CIZ1: variants seen among roughly 807,000 people sequenced by gnomAD.
CIZ1 encodes CDKN1A interacting zinc finger protein 1, also known as cip1-interacting zinc finger protein.
In CIZ1, 58 loss-of-function variants were observed where a neutral mutation model predicts 118.6. That is an observed-to-expected ratio of 0.49 (90% CI 0.40 to 0.61). CIZ1 has a LOEUF of 0.61. Among genes scored for constraint, CIZ1 ranks in the 20% least tolerant of loss-of-function variants. The pLI is 0.00. For synonymous variants in CIZ1, 448 were observed against 443.4 expected, an observed-to-expected ratio of 1.01 and a Z score of -0.13; for missense variants, 921 against 1,115.9, an observed-to-expected ratio of 0.83 and a Z score of 2.49.
chr9:128,169,160 G>A lies in CIZ1; in HGVS notation c.2187C>T (p.Asp729=), dbSNP rs1829810999. The A allele has an allele frequency of 6.2e-7, 1 of 1,614,174 alleles. No individual in the cohort carries two copies. The highest frequency in any genetic ancestry group is 8.5e-7 in the Non-Finnish European group (1 of 1,180,040). ...LEKEIAGQDE[D]HFITVDAVGC... ...CCACAGCGTCCACTGTAATGAAGTG[G>A]TCCTCATCTTGGCCAGCAATTTCTT... Residue 729 remains aspartate (D), a synonymous_variant, in exon 14 of 17, where the codon GAC becomes GAT. Coordinates refer to ENST00000372938, the MANE Select transcript of CIZ1 (RefSeq NM_001131016.2).
intron 4 of CIZ1, among the ~76,000 whole-genome samples, chr9:128,186,888 A>C (rs1832439641): frequency 6.6e-6 from 1 of 150,990 alleles, no homozygotes; most frequent in Non-Finnish European, 1.5e-5. Context: ...CAAAGGCCCC[A>C]GCTTCCAATT....
Position 128,191,548 on chromosome 9 carries a change from A to C in CIZ1, c.-122T>G. On this transcript the variant is annotated 5_prime_UTR_variant, in exon 1 of 17. Transcript: ENST00000372938. This position sits in a 1 kb window ranked among gnomAD's most constrained non-coding sequence, Gnocchi z 5.5. Reference sequence around the variant, plus strand: ...GCGGGCTCCCGGCCTCCCCGCTGCTACTCCGGGGCCTGTGGGCTCGTAAGG... The same window carrying C: ...GCGGGCTCCCGGCCTCCCCGCTGCTCCTCCGGGGCCTGTGGGCTCGTAAGG... 3.8e-6 allele frequency: 4 copies of C among 1,042,194 alleles called. No homozygotes were observed. The highest frequency in any genetic ancestry group is 1.7e-5 in the African/African-American group (1 of 59,168). 64.6% of individuals were successfully genotyped at this position (1,042,194 alleles called of 1,614,324 possible).
chr9:128,185,476 C>T, intron 5 of CIZ1, 71 bp downstream of exon 5: 1 of 1,016,028 alleles, frequency 9.8e-7, no homozygotes, highest in Non-Finnish European at 1.4e-6. Flanking sequence ...CAGACTGAGC[C>T]AGAGCAGGTG....
intron 11 of CIZ1, among the ~76,000 whole-genome samples, chr9:128,172,466 C>A (rs971071906): frequency 6.6e-6 from 1 of 152,050 alleles, no homozygotes; most frequent in Admixed American, 6.6e-5. Context: ...GCACTCCAGC[C>A]TGGGCAACGG....
At chr9:128,192,469 A>T (rs1463709784), upstream of CIZ1, among the ~76,000 whole-genome samples, 1 of 151,632 alleles carries the variant, frequency 6.6e-6, no homozygotes, top group East Asian at 1.9e-4. Flanking sequence ...AACCCCCTTA[A>T]CAACCGCTGT....
At position 128,179,057 on chromosome 9, in the gene CIZ1, G is replaced by A. The variant is rs1385067709; in HGVS notation, c.1150C>T (p.His384Tyr). 2 of 1,613,344 alleles carry A rather than the reference G, an allele frequency of 1.2e-6. No individual in the cohort carries two copies. The highest frequency in any genetic ancestry group is 8.5e-7 in the Non-Finnish European group (1 of 1,179,294). ...QVQPQVQPQAHSQGPRQVQLQ... is the reference protein window; with the variant it reads ...QVQPQVQPQAYSQGPRQVQLQ... ...TGCACCTGCCTTGGGCCCTGTGAAT[G>A]TGCCTGTGGCTGTACCTGTGGCTGC... Residue 384 changes from histidine (H) to tyrosine (Y), a missense_variant, in exon 8 of 17, where the codon CAT (histidine) becomes TAT (tyrosine). Coordinates refer to ENST00000372938, the MANE Select transcript of CIZ1 (RefSeq NM_001131016.2).
chr9:128,179,072 C>CCTGTGGCTGCACCTGCTT lies in CIZ1; in HGVS notation c.1117_1134dup (p.Lys373_Gln378dup). 6.2e-7 allele frequency: 1 copy of CCTGTGGCTGCACCTGCTT among 1,613,644 alleles called. No homozygotes were observed. On this transcript the variant is annotated inframe_insertion, in exon 8 of 17. Transcript: ENST00000372938. ...CCCTGTGAATGTGCCTGTGGCTGTA[C>CCTGTGGCTGCACCTGCTT]CTGTGGCTGCACCTGCTTCTGTGGC... is the stretch of plus-strand genomic sequence containing the variant.
chr9:128,166,382 T>C lies in CIZ1; in HGVS notation c.2512A>G (p.Ser838Gly). The change falls in exon 17 of 17, where the codon AGC (serine) becomes GGC (glycine). Residue 838 changes from serine (S) to glycine (G), a missense_variant. By Grantham distance (56) the Ser-to-Gly change is moderately conservative. Coordinates refer to ENST00000372938, the MANE Select transcript of CIZ1 (RefSeq NM_001131016.2). This position sits in a 1 kb window ranked among gnomAD's most constrained non-coding sequence, Gnocchi z 4.4. ...CGGCTCACAGGTCGGGTGGTGGGGC[T>C]GGGGTTCTTGGCCGCCTTGTATTTC... ...LQKYKAAKNP[S>G]PTTRPVSRRC... The C allele has an allele frequency of 6.5e-7, 1 of 1,547,598 alleles. No individual in the cohort carries two copies. The highest frequency in any genetic ancestry group is 8.7e-7 in the Non-Finnish European group (1 of 1,144,156).
intron 10 of CIZ1, 31 bp from the exon 11 acceptor site, chr9:128,176,506 G>A: frequency 6.2e-7 from 1 of 1,606,642 alleles, no homozygotes; most frequent in East Asian, 2.2e-5. Flanking sequence ...GGATGGGCCT[G>A]GGGCGTGAGC....
chr9:128,176,265 G>A, intron 11 of CIZ1, 86 bp downstream of exon 11: 12 of 1,547,312 alleles, frequency 7.8e-6, no homozygotes, highest in Non-Finnish European at 1.1e-5. Flanking sequence ...TTAACCCAAA[G>A]GTAAACCCTG....
At chr9:128,186,560 C>T (rs1450584672) in intron 4 of CIZ1, among the ~76,000 whole-genome samples, 6 of 152,192 alleles carry the variant, frequency 3.9e-5, no homozygotes, top group African/African-American at 1.4e-4. Flanking sequence ...CAGCAAACAG[C>T]GATCTTTCGC....
At chr9:128,178,063 G>A (rs1449602168) in intron 9 of CIZ1, among the ~76,000 whole-genome samples, 3 of 152,178 alleles carry the variant, frequency 2.0e-5, no homozygotes, top group Non-Finnish European at 2.9e-5. Flanking sequence ...ATCCCACAGA[G>A]AGGCTTCCAC....
chr9:128,188,117 C>CAAAAAAAAAAAAAAAGAA (rs34796767), intron 3 of CIZ1, among the ~76,000 whole-genome samples, 183 bp from the exon 4 acceptor site: 4 of 104,754 alleles, frequency 3.8e-5, no homozygotes, highest in Non-Finnish European at 3.9e-5. Flanking sequence ...AAGAAAAAAG[C>CAAAAAAAAAAAAAAAGAA]AAAAAAAAAA....
At chr9:128,196,883 T>C (rs1475532273) in intron 1 of CIZ1, 1 of 152,252 alleles carries the variant, frequency 6.6e-6, no homozygotes, top group Non-Finnish European at 1.5e-5. Flanking sequence ...ATTACAGGCA[T>C]GAGCCACTGC....
rs917563369 is a variant in CIZ1, at chr9:128,166,137, C to T, written c.*60G>A. The T allele has an allele frequency of 4.2e-5, 49 of 1,175,888 alleles. No homozygotes were observed. In the African/African-American group the frequency reaches 6.9e-4, roughly 16 times the overall value. 72.8% of individuals were successfully genotyped at this position (1,175,888 alleles called of 1,614,324 possible). On this transcript the variant is annotated 3_prime_UTR_variant, in exon 17 of 17. Transcript: ENST00000372938. The surrounding 1 kb of genome is among the most constrained non-coding windows in gnomAD (Gnocchi z 4.4). ...AACCATGTCAAAGTTTCCAGGCAGA[C>T]TCCTAAAAAGCATTAGCAGATCTGG...
rs1829444028 is a variant in CIZ1 at position 128,166,520 on chromosome 9, T to C, written c.2488-114A>G. On this transcript the variant is annotated intron_variant, in intron 16 of 16. Transcript: ENST00000372938. The surrounding 1 kb of genome is among the most constrained non-coding windows in gnomAD (Gnocchi z 4.4). ...ACAGTATTAGTGTGCTCTGTGACCC[T>C]GCGTGATGCACTCGGCCTCTCTGGG... is the stretch of plus-strand genomic sequence containing the variant. The C allele has an allele frequency of 2.0e-6, 2 of 1,017,922 alleles. No homozygotes were observed. Among genetic ancestry groups the C allele is most frequent in the Non-Finnish European group, 1.4e-6 (1 of 701,866 alleles). 63.1% of individuals were successfully genotyped at this position (1,017,922 alleles called of 1,614,324 possible).
At chr9:128,191,667 C>T (rs1833173909), upstream of CIZ1, 1 of 1,280,396 alleles carries the variant, frequency 7.8e-7, no homozygotes, top group Middle Eastern at 3.0e-4. This position sits in a 1 kb window ranked among gnomAD's most constrained non-coding sequence, Gnocchi z 5.5. Context: ...GCCCAGTGCA[C>T]AAGTCACGCT....
intron 2 of CIZ1, 122 bp from the exon 3 acceptor site, chr9:128,190,566 G>T: frequency 7.2e-7 from 1 of 1,388,022 alleles, no homozygotes; most frequent in Non-Finnish European, 9.8e-7. Flanking sequence ...CTTGGGGCTG[G>T]AATTGGTGAT....
rs1833580250 is a variant in CIZ1, at chr9:128,203,003, G to A, written c.-6+1183C>T. ...TCAGGATCTAGGGATAGAAGCCAGC[G>A]AGATGAAGGGGAACTCATCTCGGAG... On this transcript the variant is annotated intron_variant, in intron 1 of 17. Coordinates refer to the CIZ1 transcript ENST00000372948. The surrounding 1 kb of genome is among the most constrained non-coding windows in gnomAD (Gnocchi z 5.3). 1 of 152,174 alleles carries A rather than the reference G, an allele frequency of 6.6e-6. No individual in the cohort carries two copies. Among genetic ancestry groups the A allele is most frequent in the Non-Finnish European group, 1.5e-5 (1 of 68,048 alleles). The allele number at this position is 152,174 out of a possible 1,614,324, so 9.4% of individuals were successfully genotyped here.
Sources: allele counts gnomAD v4.1 joint callset (sites outside exome capture counted in the v4.1 genomes callset), GRCh38; gene constraint gnomAD v4.1.1; non-coding constraint Gnocchi (gnomAD v3.1); transcripts MANE v1.5; gene names NCBI Gene and HGNC (gene_info 2026-07-23, HGNC 2026-07-21).